KCNAB1: variants seen among roughly 807,000 people sequenced by gnomAD.
KCNAB1 encodes the protein potassium voltage-gated channel subfamily A regulatory beta subunit 1.
A neutral mutation model predicts 64.6 loss-of-function variants in KCNAB1; 35 were observed. The observed-to-expected ratio is 0.54, with a 90% CI of 0.41 to 0.72. The LOEUF is 0.72. KCNAB1 is among the 30% of genes least tolerant of loss of function. The pLI, the probability that KCNAB1 is intolerant of heterozygous loss-of-function variation, is 0.00. For missense variants in KCNAB1, 401 were observed against 512.9 expected (o/e 0.78, Z 2.11); for synonymous variants, 177 against 183.8 (o/e 0.96, Z 0.30).
At chr3:156,274,795 GA>G (rs1719247409) in intron 1 of KCNAB1, among the ~76,000 whole-genome samples, 1 of 152,254 alleles carries the variant, frequency 6.6e-6, no homozygotes, top group East Asian at 1.9e-4. Context: ...CATACATTGT[GA>G]AATAATCACC....
intron 1 of KCNAB1, among the ~76,000 whole-genome samples, chr3:156,353,611 T>C (rs1176609309): frequency 3.9e-5 from 6 of 152,182 alleles, no homozygotes; most frequent in Non-Finnish European, 8.8e-5. Flanking sequence ...GCTGAAGTCA[T>C]CTCAGGGCTC....
chr3:156,275,567 T>A (rs1719289746), intron 1 of KCNAB1, among the ~76,000 whole-genome samples: 1 of 152,192 alleles, frequency 6.6e-6, no homozygotes, highest in Non-Finnish European at 1.5e-5. Context: ...TTGGAGTCAA[T>A]CCTCTCAAAC....
intron 1 of KCNAB1, among the ~76,000 whole-genome samples, chr3:156,413,659 C>T (rs1714848448): frequency 6.6e-6 from 1 of 152,182 alleles, no homozygotes; most frequent in Admixed American, 6.5e-5. Flanking sequence ...TGTCTTCTGG[C>T]AAACCACAGA....
intron 1 of KCNAB1, among the ~76,000 whole-genome samples, chr3:156,195,338 C>T (rs182071544): frequency 6.6e-6 from 1 of 152,292 alleles, no homozygotes; most frequent in Admixed American, 6.5e-5. Context: ...ATTTCTGGTT[C>T]TAGATCCTTG....
chr3:156,382,991 G>A (rs1712285128), intron 1 of KCNAB1, among the ~76,000 whole-genome samples: 1 of 152,202 alleles, frequency 6.6e-6, no homozygotes. Flanking sequence ...CGGGCTAGAT[G>A]ATCTTTCGGG....
intron 3 of KCNAB1, chr3:156,453,192 A>C (rs1712133566): frequency 3.0e-6 from 1 of 330,760 alleles, no homozygotes; most frequent in Non-Finnish European, 5.5e-6. Flanking sequence ...ATTTGGAATT[A>C]ACATTAGTCA....
At chr3:156,221,817 C>T (rs548852085) in intron 1 of KCNAB1, among the ~76,000 whole-genome samples, 204 of 148,156 alleles carry the variant, frequency 1.4e-3, no homozygotes, top group Non-Finnish European at 2.4e-3. Flanking sequence ...AGCAAAACTA[C>T]GCTTCATAAA....
At chr3:156,528,385 A>C (rs1718472148) in intron 12 of KCNAB1, among the ~76,000 whole-genome samples, 1 of 152,232 alleles carries the variant, frequency 6.6e-6, no homozygotes, top group East Asian at 1.9e-4. Context: ...TTTATTCAAC[A>C]AACATTTAAT....
At chr3:156,441,909 C>G (rs1717027072) in intron 2 of KCNAB1, among the ~76,000 whole-genome samples, 1 of 152,120 alleles carries the variant, frequency 6.6e-6, no homozygotes, top group Admixed American at 6.5e-5. Flanking sequence ...AGGGCTGTGA[C>G]TTGTAGAAAC....
chr3:156,448,468 G>A (rs1005368509), intron 2 of KCNAB1, among the ~76,000 whole-genome samples: 5 of 152,144 alleles, frequency 3.3e-5, no homozygotes, highest in South Asian at 2.1e-4. Context: ...CTGTTGCCCC[G>A]TTCCTCTCCA....
chr3:156,247,861 A>G (rs977936290), intron 1 of KCNAB1, among the ~76,000 whole-genome samples: 6 of 151,724 alleles, frequency 4.0e-5, no homozygotes, highest in Non-Finnish European at 8.8e-5. Context: ...CATGGTGTCC[A>G]GTCTAGGACA....
intron 1 of KCNAB1, among the ~76,000 whole-genome samples, chr3:156,177,599 G>C (rs1421253060): frequency 3.3e-5 from 5 of 151,476 alleles, no homozygotes; most frequent in East Asian, 2.0e-4. Flanking sequence ...GGATGGTCTC[G>C]ATCTCCTGAC....
At chr3:156,380,571 T>A (rs1224189806) in intron 1 of KCNAB1, among the ~76,000 whole-genome samples, 6 of 152,134 alleles carry the variant, frequency 3.9e-5, no homozygotes, top group African/African-American at 1.4e-4. Context: ...GGTAGAGGGA[T>A]CAGCCTGTGC....
At position 156,292,257 on chromosome 3, in the gene KCNAB1, C is replaced by G. The variant is rs1576685235; in HGVS notation, c.276-129359C>G. 7.8e-6 allele frequency: 8 copies of G among 1,024,672 alleles called. No individual in the cohort carries two copies. The Middle Eastern group carries it at 7.7e-4, about 98-fold the overall frequency. 63.5% of individuals were successfully genotyped at this position (1,024,672 alleles called of 1,614,324 possible). A position where few individuals can be genotyped will look rare whatever the true frequency, so the allele number is the denominator to read the frequency against. ...CTCACTTTAGAATTCTCAGGTGGTTCTAAAATAGCTCTTTAGGGGGATGAA... is the reference window on the plus strand; with the variant it reads ...CTCACTTTAGAATTCTCAGGTGGTTGTAAAATAGCTCTTTAGGGGGATGAA... On this transcript the variant is annotated intron_variant, in intron 1 of 13. Coordinates refer to ENST00000490337, the MANE Select transcript of KCNAB1 (RefSeq NM_172160.3).
chr3:156,315,690 A>G (rs961206555), intron 1 of KCNAB1, among the ~76,000 whole-genome samples: 2 of 152,196 alleles, frequency 1.3e-5, no homozygotes, highest in African/African-American at 4.8e-5. Context: ...GTTTCTCATT[A>G]TCTATTCATG....
chr3:156,502,197 G>C (rs2108369055), intron 8 of KCNAB1, among the ~76,000 whole-genome samples: 1 of 152,138 alleles, frequency 6.6e-6, no homozygotes, highest in South Asian at 2.1e-4. Flanking sequence ...AAATATATAA[G>C]AAAGGGTAAT....
At chr3:156,347,545 C>T (rs960272838) in intron 1 of KCNAB1, among the ~76,000 whole-genome samples, 2 of 152,166 alleles carry the variant, frequency 1.3e-5, no homozygotes, top group African/African-American at 4.8e-5. Context: ...AAAAACTCAT[C>T]CACCAGTTAG....
chr3:156,496,782 G>A (rs528124527), intron 8 of KCNAB1, among the ~76,000 whole-genome samples: 1 of 152,094 alleles, frequency 6.6e-6, no homozygotes, highest in African/African-American at 2.4e-5. Context: ...AACATTGTAT[G>A]GGGAATGGGG....
At chr3:156,373,330 C>T (rs748367347) in intron 1 of KCNAB1, among the ~76,000 whole-genome samples, 6 of 152,184 alleles carry the variant, frequency 3.9e-5, no homozygotes, top group Non-Finnish European at 8.8e-5. Context: ...TATATGAAAT[C>T]TAGACAGATT....
Sources: gnomAD v4.1 joint callset for allele counts (sites outside exome capture counted in the v4.1 genomes callset) on GRCh38, gnomAD v4.1.1 for gene constraint, MANE v1.5 for transcripts, NCBI Gene and HGNC (gene_info 2026-07-23, HGNC 2026-07-21) for gene names.